The following C1GALT1 variants were observed in gnomAD, a reference collection of about 807,000 sequenced individuals.
C1GALT1 encodes core 1 synthase, glycoprotein-N-acetylgalactosamine 3-beta-galactosyltransferase 1.
A neutral mutation model predicts 31.0 loss-of-function variants in C1GALT1; 11 were observed. The observed-to-expected ratio is 0.36, with a 90% confidence interval of 0.22 to 0.59. C1GALT1 has a LOEUF of 0.59. C1GALT1 is among the 20% of genes least tolerant of loss of function. C1GALT1 has a pLI of 0.79. For missense variants in C1GALT1, 424 were observed against 425.2 expected, an observed-to-expected ratio of 1.00 and a Z score of 0.03; for synonymous variants, 175 against 143.6, an observed-to-expected ratio of 1.22 and a Z score of -1.56.
At chr7:7,177,658 G>A (rs771050447), upstream of C1GALT1, among the ~76,000 whole-genome samples, 15 of 152,144 alleles carry the variant, frequency 9.9e-5, no homozygotes, top group Admixed American at 5.9e-4. Context: ...AATCCAAACT[G>A]CTTGCTATGA....
chr7:7,158,605 A>G (rs62453507), intron 2 of C1GALT1, among the ~76,000 whole-genome samples: 24,645 of 150,384 alleles, frequency 0.16, 2,246 homozygotes, highest in Middle Eastern at 0.29. Flanking sequence ...TTATATAAAC[A>G]TTTGTATAAA....
chr7:7,171,382 A>T (rs969397010), intron 2 of C1GALT1, among the ~76,000 whole-genome samples: 1 of 152,048 alleles, frequency 6.6e-6, no homozygotes, highest in Non-Finnish European at 1.5e-5. Context: ...ATTACAACAG[A>T]TTTTGACTTG....
At chr7:7,181,046 G>A (rs753726905), upstream of C1GALT1, among the ~76,000 whole-genome samples, 5 of 152,058 alleles carry the variant, frequency 3.3e-5, no homozygotes, top group Non-Finnish European at 7.4e-5. Flanking sequence ...TCTAATCTTT[G>A]CTCAATGGAA....
At position 7,224,652 on chromosome 7, in the gene C1GALT1, T is replaced by A. The variant is rs1457089733; in HGVS notation, c.-17-9651T>A. Among the ~76,000 whole-genome samples the A allele has an allele frequency of 2.0e-5, 3 of 152,172 alleles. No individual in the cohort carries two copies. The East Asian group carries it at 5.8e-4, about 29-fold the overall frequency. On this transcript the variant is annotated intron_variant, in intron 1 of 3. Transcript: ENST00000436587. ...AGTTGTTTGTAGTATTCCCTTATTA[T>A]CCTTTGGTATCTGCAGGGTCAATAG...
At chr7:7,167,572 GTTTTTTTTGTTGTTCA>G (rs1780411685) in intron 2 of C1GALT1, among the ~76,000 whole-genome samples, 1 of 151,416 alleles carries the variant, frequency 6.6e-6, no homozygotes, top group Non-Finnish European at 1.5e-5. Context: ...AATTATGTAA[GTTTTTTTTGTTGTTCA>G]TTTTTTTTTT....
chr7:7,234,521 G>C lies in C1GALT1; in HGVS notation c.202G>C (p.Asp68His), dbSNP rs750887923. The part of the protein sequence containing the change: ...HLEGQMNFNA[D>H]SSQHKDENTD... The stretch of plus-strand genomic sequence containing the variant: ...AGAAGGACAAATGAACTTCAATGCA[G>C]ATTCTAGCCAACATAAAGGTATGGT... The change falls in exon 2 of 4, where the codon GAT becomes CAT. Residue 68 changes from aspartate (D) to histidine (H), a missense_variant. This residue lies in a region of C1GALT1 where 189 missense variants were observed against 158.2 expected (regional missense o/e 1.19). Coordinates refer to ENST00000436587, the MANE Select transcript of C1GALT1 (RefSeq NM_020156.5). The C allele has an allele frequency of 6.2e-7, 1 of 1,610,306 alleles. No individual in the cohort carries two copies. Among genetic ancestry groups the C allele is most frequent in the Admixed American group, 1.7e-5 (1 of 59,978 alleles).
chr7:7,170,658 C>T lies in C1GALT1; in HGVS notation c.-18+13232C>T, dbSNP rs1780443631. Among the ~76,000 whole-genome samples the T allele has an allele frequency of 2.6e-5, 4 of 152,264 alleles. No individual in the cohort carries two copies. In the South Asian group the frequency reaches 8.3e-4, roughly 32 times the overall value. ...ATTAGCCAGGCATGGTGGCAGGCAT[C>T]TGTGATCCCACTTACTCAGGAAGCT... On this transcript the variant is annotated intron_variant, in intron 2 of 3. Coordinates refer to the C1GALT1 transcript ENST00000429911.
At chr7:7,158,742 G>A (rs951393347) in intron 2 of C1GALT1, among the ~76,000 whole-genome samples, 6 of 151,914 alleles carry the variant, frequency 3.9e-5, no homozygotes, top group Non-Finnish European at 7.4e-5. Context: ...TATATGACAT[G>A]TAATAGGTGG....
intron 1 of C1GALT1, among the ~76,000 whole-genome samples, chr7:7,199,645 A>T (rs918308300): frequency 8.5e-5 from 13 of 152,156 alleles, no homozygotes; most frequent in African/African-American, 3.1e-4. Context: ...TGGAGTGTTA[A>T]AGTCTCCCAT....
intron 2 of C1GALT1, among the ~76,000 whole-genome samples, chr7:7,161,000 C>A (rs1780327607): frequency 6.6e-6 from 1 of 152,042 alleles, no homozygotes; most frequent in Admixed American, 6.6e-5. Flanking sequence ...AAATCTAAGA[C>A]AGAATAATAG....
At chr7:7,203,372 G>C in intron 1 of C1GALT1, among the ~76,000 whole-genome samples, 1 of 151,722 alleles carries the variant, frequency 6.6e-6, no homozygotes. Context: ...GTTCACTGTG[G>C]GTTTCTCGTG....
chr7:7,216,880 A>G (rs566791613), intron 1 of C1GALT1, among the ~76,000 whole-genome samples: 1 of 152,280 alleles, frequency 6.6e-6, no homozygotes, highest in African/African-American at 2.4e-5. Context: ...TCCCAGAGAA[A>G]CCATAGAGAG....
rs567766369 is a variant in C1GALT1 at position 7,163,675 on chromosome 7, G to A, written c.-18+6249G>A. On this transcript the variant is annotated intron_variant, in intron 2 of 3. Coordinates refer to the C1GALT1 transcript ENST00000429911. ...CAAGCATTCTTATACACCAATAACA[G>A]ACAAACAGAGAGCCAAACCATGAGT... Among the ~76,000 whole-genome samples, 489 of 152,194 alleles carry A rather than the reference G, an allele frequency of 3.2e-3. 2 individuals are homozygous for A. Among genetic ancestry groups the A allele is most frequent in the African/African-American group, 0.011 (445 of 41,508 alleles).
intron 2 of C1GALT1, among the ~76,000 whole-genome samples, chr7:7,173,832 G>A (rs967630875): frequency 2.6e-5 from 4 of 152,270 alleles, no homozygotes; most frequent in African/African-American, 7.2e-5. Context: ...AAGCCTGGGC[G>A]GTGGAGGTTG....
At chr7:7,182,320 T>C (rs923053826), upstream of C1GALT1, among the ~76,000 whole-genome samples, 3 of 152,156 alleles carry the variant, frequency 2.0e-5, no homozygotes, top group African/African-American at 7.2e-5. Flanking sequence ...TGCATAACCT[T>C]ACAGCAGGAT....
chr7:7,233,536 G>T (rs35084224), intron 1 of C1GALT1, among the ~76,000 whole-genome samples: 9,544 of 152,260 alleles, frequency 0.063, 376 homozygotes, highest in East Asian at 0.17. Context: ...GCCTCCCAGA[G>T]TGCTGGGATT....
intron 1 of C1GALT1, among the ~76,000 whole-genome samples, chr7:7,187,288 C>A (rs941613650): frequency 6.6e-6 from 1 of 150,794 alleles, no homozygotes; most frequent in African/African-American, 2.5e-5. Flanking sequence ...CTCACTCTGT[C>A]GCCCAGGCTG....
In C1GALT1 at chr7:7,208,503, T is replaced by A. The variant is rs116023278; in HGVS notation, c.-18+25683T>A. ...TCTATTTTCCCTTGTATATGCAGTT[T>A]CTTTTGAATGCCTCAGTCCTTGATG... On this transcript the variant is annotated intron_variant, in intron 1 of 3. Coordinates refer to ENST00000436587, the MANE Select transcript of C1GALT1 (RefSeq NM_020156.5). Among the ~76,000 whole-genome samples the A allele has an allele frequency of 2.6e-3, 393 of 152,288 alleles. 1 individual carries two copies. Among genetic ancestry groups the A allele is most frequent in the African/African-American group, 9.2e-3 (382 of 41,548 alleles).
intron 1 of C1GALT1, among the ~76,000 whole-genome samples, chr7:7,233,715 C>CT (rs1583828055): frequency 6.6e-6 from 1 of 152,306 alleles, no homozygotes; most frequent in Admixed American, 6.5e-5. Context: ...AAATAAAACT[C>CT]TATTTACAAA....
Sources: allele counts gnomAD v4.1 joint callset (sites outside exome capture counted in the v4.1 genomes callset), GRCh38; gene constraint gnomAD v4.1.1; regional missense constraint gnomAD v4.1.1; transcripts MANE v1.5; gene names NCBI Gene and HGNC (gene_info 2026-07-23, HGNC 2026-07-21).